GALNT7: variants seen among roughly 807,000 people sequenced by gnomAD.
GALNT7 encodes the protein polypeptide N-acetylgalactosaminyltransferase 7, also known as N-acetylgalactosaminyltransferase 7.
In GALNT7, 60 loss-of-function variants were observed where a neutral mutation model predicts 82.1. The ratio of observed to expected loss-of-function variants is 0.73; its 90% CI spans 0.59 to 0.91. The LOEUF is 0.91. Among genes scored for constraint, GALNT7 ranks in the 40% least tolerant of loss-of-function variants. The probability of loss-of-function intolerance (pLI) is 0.00; values close to 1 mark genes in which losing one functional copy is unlikely to be tolerated. For synonymous variants in GALNT7, 243 were observed against 275.1 expected (o/e 0.88, Z 1.15); for missense variants, 660 against 804.2 (o/e 0.82, Z 2.17).
chr4:173,225,568 A>G (rs1313748188), intron 1 of GALNT7, among the ~76,000 whole-genome samples: 1 of 152,214 alleles, frequency 6.6e-6, no homozygotes, highest in Non-Finnish European at 1.5e-5. Context: ...CAGGCACTCA[A>G]AGTATTTTAT....
At chr4:173,285,866 G>A (rs1283584154) in intron 2 of GALNT7, among the ~76,000 whole-genome samples, 1 of 152,150 alleles carries the variant, frequency 6.6e-6, no homozygotes, top group African/African-American at 2.4e-5. Context: ...GGTTCCATGA[G>A]GAAAACAGGG....
intron 1 of GALNT7, among the ~76,000 whole-genome samples, chr4:173,190,005 T>TC (rs1732575937): frequency 6.6e-6 from 1 of 152,218 alleles, no homozygotes; most frequent in African/African-American, 2.4e-5. Flanking sequence ...TTTTTTTTTT[T>TC]TTCTCTTACA....
intron 1 of GALNT7, among the ~76,000 whole-genome samples, chr4:173,188,200 G>A (rs1226665941): frequency 6.6e-6 from 1 of 152,174 alleles, no homozygotes; most frequent in African/African-American, 2.4e-5. Flanking sequence ...ACATTTTACA[G>A]TTGAGGAAAT....
chr4:173,287,662 G>A (rs1367211691), intron 2 of GALNT7, among the ~76,000 whole-genome samples: 2 of 152,184 alleles, frequency 1.3e-5, no homozygotes, highest in African/African-American at 4.8e-5. Flanking sequence ...TTGCAAGTAT[G>A]ACCTTCATTT....
intron 2 of GALNT7, among the ~76,000 whole-genome samples, chr4:173,280,276 C>T (rs1028001035): frequency 4.6e-5 from 7 of 152,092 alleles, no homozygotes; most frequent in Non-Finnish European, 8.8e-5. Flanking sequence ...CAAAATGTTA[C>T]GTTTTTCATA....
At chr4:173,187,924 T>TA (rs2126637292) in intron 1 of GALNT7, among the ~76,000 whole-genome samples, 1 of 152,348 alleles carries the variant, frequency 6.6e-6, no homozygotes, top group Admixed American at 6.5e-5. Context: ...TTAAAACAAA[T>TA]ACCTTTTCTT....
At chr4:173,228,084 A>C (rs2126703089) in intron 1 of GALNT7, among the ~76,000 whole-genome samples, 2 of 152,124 alleles carry the variant, frequency 1.3e-5, no homozygotes, top group East Asian at 3.9e-4. Flanking sequence ...CTTATGGAAA[A>C]AATATTCAAG....
chr4:173,216,311 G>A (rs1448578501), intron 1 of GALNT7, among the ~76,000 whole-genome samples: 5 of 152,098 alleles, frequency 3.3e-5, no homozygotes, highest in Admixed American at 1.3e-4. Flanking sequence ...CAAATCAGTC[G>A]AATCTACATG....
In GALNT7 at chr4:173,323,277, C is replaced by T. The variant is rs748527927; in HGVS notation, c.*1560C>T. 3.9e-5 allele frequency: 6 copies of T among 152,418 alleles called. No homozygotes were observed. Among genetic ancestry groups the T allele is most frequent in the Non-Finnish European group, 5.9e-5 (4 of 67,946 alleles). 9.4% of individuals were successfully genotyped at this position (152,418 alleles called of 1,614,324 possible). ...TTTTTAATTTAAGAGGGAAATATAA[C>T]CTATAAATTTGTTTCTTCCAAGCTT... On this transcript the variant is annotated 3_prime_UTR_variant, in exon 12 of 12. Transcript: ENST00000265000.
Position 173,321,643 on chromosome 4 carries a change from C to A in GALNT7, c.1900C>A (p.Gln634Lys). Residue 634 changes from glutamine (Q) to lysine (K), a missense_variant, in exon 12 of 12, where the codon CAA (glutamine) becomes AAA (lysine). This residue lies in a region of GALNT7 where 527 missense variants were observed against 683.5 expected (regional missense o/e 0.77). Coordinates refer to ENST00000265000, the MANE Select transcript of GALNT7 (RefSeq NM_017423.3). ...KCLDRSEVLH[Q>K]VFISNCDSSK... ...TTTAGATCGCTCAGAGGTCCTGCAT[C>A]AAGTATTCATCTCCAATTGTGACTC... is the stretch of plus-strand genomic sequence containing the variant. 1 of 1,599,326 alleles carries A rather than the reference C, an allele frequency of 6.3e-7. No homozygotes were observed. The highest frequency in any genetic ancestry group is 8.6e-7 in the Non-Finnish European group (1 of 1,166,728).
intron 1 of GALNT7, among the ~76,000 whole-genome samples, chr4:173,189,346 A>G (rs954923902): frequency 1.3e-5 from 2 of 152,250 alleles, no homozygotes; most frequent in Non-Finnish European, 2.9e-5. Context: ...TCTTTTATGC[A>G]GGAAACCCCA....
chr4:173,265,707 CCTT>C (rs1735462426), intron 2 of GALNT7, among the ~76,000 whole-genome samples: 2 of 136,312 alleles, frequency 1.5e-5, no homozygotes, highest in Non-Finnish European at 3.1e-5. Flanking sequence ...CTCCCTTCTT[CCTT>C]CTCTGAAGCA....
chr4:173,232,745 T>C (rs1304200342), intron 1 of GALNT7, among the ~76,000 whole-genome samples: 11 of 152,196 alleles, frequency 7.2e-5, no homozygotes, highest in Admixed American at 7.2e-4. Flanking sequence ...TTTCTTTGTG[T>C]CGGGAATGCC....
At chr4:173,249,020 G>T (rs978797169) in intron 2 of GALNT7, among the ~76,000 whole-genome samples, 1 of 152,090 alleles carries the variant, frequency 6.6e-6, no homozygotes, top group East Asian at 1.9e-4. Flanking sequence ...TGTGACCTAA[G>T]ATTTCCAATT....
intron 2 of GALNT7, among the ~76,000 whole-genome samples, chr4:173,248,668 T>C (rs1306634987): frequency 1.3e-5 from 2 of 152,222 alleles, no homozygotes; most frequent in East Asian, 3.8e-4. Context: ...GTCAGTGCTA[T>C]TCAAAATATG....
chr4:173,183,353 T>A (rs1238890571), intron 1 of GALNT7, among the ~76,000 whole-genome samples: 1 of 151,438 alleles, frequency 6.6e-6, no homozygotes, highest in Non-Finnish European at 1.5e-5. Flanking sequence ...TTGAGAGGGA[T>A]GAATGATGAA....
chr4:173,172,459 C>CGTT (rs1223288129), intron 1 of GALNT7, among the ~76,000 whole-genome samples: 1 of 152,224 alleles, frequency 6.6e-6, no homozygotes, highest in African/African-American at 2.4e-5. Context: ...TTAGTGGGAA[C>CGTT]CTGCTGATAA....
intron 2 of GALNT7, among the ~76,000 whole-genome samples, chr4:173,290,042 CTGTTATG>C (rs1736477855): frequency 6.6e-6 from 1 of 152,108 alleles, no homozygotes; most frequent in Admixed American, 6.5e-5. Context: ...TATGGAGCCG[CTGTTATG>C]TGTTATATGC....
chr4:173,214,667 C>T (rs1390743239), intron 1 of GALNT7, among the ~76,000 whole-genome samples: 1 of 152,160 alleles, frequency 6.6e-6, no homozygotes, highest in Non-Finnish European at 1.5e-5. Context: ...AACCACTAGT[C>T]CAAATTCAAC....
Sources: gnomAD v4.1 joint callset for allele counts (sites outside exome capture counted in the v4.1 genomes callset) on GRCh38, gnomAD v4.1.1 for gene constraint, gnomAD v4.1.1 regional missense constraint, MANE v1.5 for transcripts, NCBI Gene and HGNC (gene_info 2026-07-23, HGNC 2026-07-21) for gene names.